Variants in CAMSAP2 observed in about 807,000 individuals in gnomAD.
The protein encoded by CAMSAP2 is calmodulin regulated spectrin associated protein family member 2, also known as calmodulin-regulated spectrin-associated protein 2.
In CAMSAP2, 26 loss-of-function variants were observed where a neutral mutation model predicts 146.1. The ratio of observed to expected loss-of-function variants is 0.18; its 90% CI spans 0.13 to 0.25. The LOEUF (loss-of-function observed/expected upper bound fraction) is 0.25. Ranked by LOEUF, CAMSAP2 falls within the 10% of genes least tolerant of loss-of-function variation. CAMSAP2 has a pLI of 1.00. For missense variants in CAMSAP2, 1,381 were observed against 1,759.3 expected (o/e 0.78, Z 3.85); for synonymous variants, 499 against 596.6 (o/e 0.84, Z 2.38).
chr1:200,783,552 G>A (rs370307756), intron 2 of CAMSAP2, among the ~76,000 whole-genome samples: 1 of 151,966 alleles, frequency 6.6e-6, no homozygotes, highest in Non-Finnish European at 1.5e-5. Context: ...GCATGATCAC[G>A]GCTCACTGCA....
At chr1:200,792,559 T>G (rs747234879) in intron 2 of CAMSAP2, among the ~76,000 whole-genome samples, 11 of 152,044 alleles carry the variant, frequency 7.2e-5, no homozygotes, top group Admixed American at 2.6e-4. Context: ...GCAGGAAAAT[T>G]GCTTGAACCC....
chr1:200,812,552 A>T (rs1397980047), intron 3 of CAMSAP2, among the ~76,000 whole-genome samples: 1 of 152,172 alleles, frequency 6.6e-6, no homozygotes. Context: ...CTTGCCTCTC[A>T]GATTTAGTAT....
At chr1:200,816,298 A>AT (rs1314418473) in intron 4 of CAMSAP2, among the ~76,000 whole-genome samples, 1 of 149,112 alleles carries the variant, frequency 6.7e-6, no homozygotes, top group Non-Finnish European at 1.5e-5. Context: ...AAACAAAAAA[A>AT]ATATATATAT....
At chr1:200,836,367 T>C (rs1302071250) in intron 6 of CAMSAP2, among the ~76,000 whole-genome samples, 1 of 152,208 alleles carries the variant, frequency 6.6e-6, no homozygotes, top group Non-Finnish European at 1.5e-5. Flanking sequence ...TCTGCATTAG[T>C]TTGCTAAGGA....
intron 4 of CAMSAP2, among the ~76,000 whole-genome samples, chr1:200,825,329 G>A (rs1666877025): frequency 6.6e-6 from 1 of 151,956 alleles, no homozygotes. Flanking sequence ...TATTCCACAT[G>A]TACTCCCTCC....
intron 2 of CAMSAP2, among the ~76,000 whole-genome samples, chr1:200,766,142 CTTT>C (rs71135394): frequency 7.1e-6 from 1 of 140,808 alleles, no homozygotes; most frequent in Non-Finnish European, 1.6e-5. Context: ...TCAAGTAGCT[CTTT>C]TTTTTTTTTT....
At chr1:200,844,953 G>A (rs1298868709) in intron 8 of CAMSAP2, 84 bp downstream of exon 8, 2 of 682,932 alleles carry the variant, frequency 2.9e-6, no homozygotes, top group African/African-American at 3.9e-5. Flanking sequence ...ATTAAATAAG[G>A]TTTTTAAGAA....
intron 3 of CAMSAP2, among the ~76,000 whole-genome samples, chr1:200,813,328 G>A (rs1043816728): frequency 1.3e-5 from 2 of 152,166 alleles, no homozygotes; most frequent in Non-Finnish European, 2.9e-5. Context: ...AACACATTGG[G>A]GATTAAGTTT....
chr1:200,848,629 T>C lies in CAMSAP2; in HGVS notation c.1860T>C (p.Pro620=). ...TGIHVPSEDI[P]ETMDEDSSLR... ...TTCACGTTCCTTCAGAAGATATTCC[T>C]GAAACTATGGACGAAGATTCTTCGT... The change falls in exon 11 of 17, where the codon CCT becomes CCC. Residue 620 remains proline, a synonymous_variant. Coordinates refer to ENST00000358823, the MANE Select transcript of CAMSAP2 (RefSeq NM_203459.4). 6.2e-7 allele frequency: 1 copy of C among 1,614,174 alleles called. No individual in the cohort carries two copies.
At chr1:200,765,759 T>G (rs1664932414) in intron 2 of CAMSAP2, among the ~76,000 whole-genome samples, 1 of 152,122 alleles carries the variant, frequency 6.6e-6, no homozygotes, top group Non-Finnish European at 1.5e-5. Context: ...TTTCAGTAGT[T>G]GGGAAAAGGG....
At chr1:200,754,645 C>T (rs925761877) in intron 1 of CAMSAP2, among the ~76,000 whole-genome samples, 14 of 147,686 alleles carry the variant, frequency 9.5e-5, no homozygotes, top group South Asian at 6.4e-4. Flanking sequence ...TGCAGTGGCC[C>T]GACCTCGGCT....
intron 11 of CAMSAP2, among the ~76,000 whole-genome samples, chr1:200,851,246 G>T (rs1667610777): frequency 6.6e-6 from 1 of 152,000 alleles, no homozygotes; most frequent in Admixed American, 6.5e-5. Flanking sequence ...TGTTGCCCAG[G>T]CTGGAGTACA....
intron 4 of CAMSAP2, chr1:200,828,557 G>A (rs770109388): frequency 2.2e-5 from 34 of 1,547,860 alleles, no homozygotes; most frequent in African/African-American, 1.1e-4. Context: ...CTTTTTTCCC[G>A]CTGCTTCCTC....
In CAMSAP2 at chr1:200,763,521, C is replaced by G. The variant is rs142915944; in HGVS notation, c.399+2423C>G. On this transcript the variant is annotated intron_variant, in intron 2 of 16. Coordinates refer to ENST00000358823, the MANE Select transcript of CAMSAP2 (RefSeq NM_203459.4). ...GCTACTGCACTCCAGCCAGACTGGG[C>G]GACAGAGTGAGACTTTGTCTTAAAA... Among the ~76,000 whole-genome samples the G allele has an allele frequency of 2.0e-3, 309 of 151,924 alleles. 1 individual carries two copies. Among genetic ancestry groups the G allele is most frequent in the African/African-American group, 7.2e-3 (300 of 41,428 alleles).
At chr1:200,843,152 A>G (rs1667370416) in intron 7 of CAMSAP2, among the ~76,000 whole-genome samples, 1 of 152,170 alleles carries the variant, frequency 6.6e-6, no homozygotes, top group African/African-American at 2.4e-5. Flanking sequence ...GTGCATCCCA[A>G]CTACTTAGCA....
intron 1 of CAMSAP2, among the ~76,000 whole-genome samples, chr1:200,746,707 CT>C (rs2102987136): frequency 6.6e-6 from 1 of 151,630 alleles, no homozygotes; most frequent in Admixed American, 6.6e-5. Context: ...CAAGCTCCGC[CT>C]CCCGGGTTCT....
At chr1:200,759,561 G>A (rs1571723425) in intron 1 of CAMSAP2, among the ~76,000 whole-genome samples, 1 of 152,312 alleles carries the variant, frequency 6.6e-6, no homozygotes, top group Middle Eastern at 3.4e-3. Flanking sequence ...ACGGGCGTGA[G>A]CCACCGCGCC....
chr1:200,830,153 G>A (rs1291535523), intron 4 of CAMSAP2, among the ~76,000 whole-genome samples: 3 of 152,224 alleles, frequency 2.0e-5, no homozygotes, highest in Non-Finnish European at 4.4e-5. Flanking sequence ...TGAACCTTCT[G>A]AGTGCTGGAC....
At chr1:200,828,917 G>A (rs1666972373) in intron 4 of CAMSAP2, among the ~76,000 whole-genome samples, 1 of 151,682 alleles carries the variant, frequency 6.6e-6, no homozygotes, top group African/African-American at 2.4e-5. Context: ...CAGCACTTTG[G>A]GAGGCCAAGG....
Sources: allele counts gnomAD v4.1 joint callset (sites outside exome capture counted in the v4.1 genomes callset), GRCh38; gene constraint gnomAD v4.1.1; transcripts MANE v1.5; gene names NCBI Gene and HGNC (gene_info 2026-07-23, HGNC 2026-07-21).